Variants in VAT1L observed in about 807,000 individuals in gnomAD.
VAT1L encodes putative NADPH-dependent quinone oxidoreductase VAT1L.
VAT1L carries 34 observed loss-of-function variants against 44.1 expected under a neutral mutation model. That is an observed-to-expected ratio of 0.77 (90% CI 0.59 to 1.03). The LOEUF (loss-of-function observed/expected upper bound fraction) is 1.03. Among genes scored for constraint, VAT1L ranks in the 50% least tolerant of loss-of-function variants. VAT1L has a pLI of 0.00. For synonymous variants in VAT1L, 253 were observed against 202.2 expected (o/e 1.25, Z -2.13); for missense variants, 615 against 538.8 (o/e 1.14, Z -1.40).
chr16:77,922,504 A>G (rs574869776), intron 7 of VAT1L, among the ~76,000 whole-genome samples: 2 of 152,152 alleles, frequency 1.3e-5, no homozygotes, highest in South Asian at 2.1e-4. Flanking sequence ...AATTCTTAAC[A>G]ATGAAAAGAC....
At chr16:77,922,759 C>T (rs755598071) in intron 7 of VAT1L, among the ~76,000 whole-genome samples, 64 of 152,260 alleles carry the variant, frequency 4.2e-4, no homozygotes, top group African/African-American at 1.4e-3. Context: ...TGGATAAAAA[C>T]GGTGAGGAAC....
At chr16:77,916,466 T>C (rs1157629211) in intron 7 of VAT1L, among the ~76,000 whole-genome samples, 1 of 152,092 alleles carries the variant, frequency 6.6e-6, no homozygotes, top group East Asian at 1.9e-4. Flanking sequence ...GGGTTTTTTG[T>C]TTTTGTTTTT....
intron 1 of VAT1L, among the ~76,000 whole-genome samples, chr16:77,808,887 G>T (rs1330691563): frequency 6.6e-6 from 1 of 152,108 alleles, no homozygotes; most frequent in African/African-American, 2.4e-5. Context: ...GTGAGCCACC[G>T]TGCCCAGCTG....
intron 4 of VAT1L, among the ~76,000 whole-genome samples, chr16:77,872,251 C>T (rs986092250): frequency 4.6e-5 from 7 of 152,156 alleles, no homozygotes. Context: ...TGCGTACCCA[C>T]CTCCATGTGA....
Position 77,979,660 on chromosome 16 carries a change from T to A in VAT1L, c.*1965T>A, listed in dbSNP as rs2018378961. ...CTTTGTTATGTCCAGAGGAGAGGCA[T>A]AAAAAGGCACTCTCCCCCACCACCC... On this transcript the variant is annotated 3_prime_UTR_variant, in exon 9 of 9. Transcript: ENST00000302536. 1.3e-5 allele frequency: 2 copies of A among 152,108 alleles called. No individual in the cohort carries two copies. Among genetic ancestry groups the A allele is most frequent in the South Asian group, 2.1e-4 (1 of 4,824 alleles). The allele number at this position is 152,108 out of a possible 1,614,324, so 9.4% of individuals were successfully genotyped here. A position where few individuals can be genotyped will look rare whatever the true frequency, so the allele number is the denominator to read the frequency against.
intron 7 of VAT1L, among the ~76,000 whole-genome samples, chr16:77,955,037 T>A (rs33967759): frequency 6.6e-6 from 1 of 152,060 alleles, no homozygotes; most frequent in Non-Finnish European, 1.5e-5. Flanking sequence ...CATATTGTGT[T>A]CTGTTCATGA....
chr16:77,910,421 C>A (rs1365656338), intron 7 of VAT1L, among the ~76,000 whole-genome samples: 1 of 152,056 alleles, frequency 6.6e-6, no homozygotes, highest in African/African-American at 2.4e-5. Context: ...GCCTGTAATC[C>A]CAGCACTTTG....
intron 3 of VAT1L, among the ~76,000 whole-genome samples, chr16:77,837,842 G>A (rs1410651850): frequency 6.6e-6 from 1 of 152,128 alleles, no homozygotes; most frequent in Admixed American, 6.5e-5. Flanking sequence ...ATGCTCCCTG[G>A]CACATAGAAA....
Position 77,939,819 on chromosome 16 carries a change from G to T in VAT1L, c.1078-32031G>T, listed in dbSNP as rs1031863369. 2.0e-5 allele frequency among the ~76,000 whole-genome samples: 3 copies of T among 152,062 alleles called. No homozygotes were observed. In the East Asian group the frequency reaches 5.8e-4, roughly 29 times the overall value. ...CCCTCAGAAACTGATGAGTTTCCAG[G>T]GCATTATAAATTTAAAACATTTAGC... On this transcript the variant is annotated intron_variant, in intron 7 of 8. Coordinates refer to ENST00000302536, the MANE Select transcript of VAT1L (RefSeq NM_020927.3).
At chr16:77,858,238 T>C (rs1197523750) in intron 3 of VAT1L, among the ~76,000 whole-genome samples, 1 of 152,052 alleles carries the variant, frequency 6.6e-6, no homozygotes, top group Non-Finnish European at 1.5e-5. Flanking sequence ...CTATCTGGGA[T>C]GCTGGAAAGG....
rs779092337 is a variant in VAT1L, at chr16:77,879,246, A to T, written c.882+22A>T. 1.2e-6 allele frequency: 2 copies of T among 1,612,092 alleles called. No individual in the cohort carries two copies. Among genetic ancestry groups the T allele is most frequent in the South Asian group, 2.2e-5 (2 of 90,998 alleles). ...ATCAGTAAGTATCCAGGCACATCTG[A>T]TGTACTGTGGTGGCATGTTGATTCA... On this transcript the variant is annotated intron_variant, in intron 6 of 8. Transcript: ENST00000302536. The surrounding 1 kb of genome is among the most constrained non-coding windows in gnomAD (Gnocchi z 4.1).
intron 5 of VAT1L, among the ~76,000 whole-genome samples, chr16:77,878,232 C>T (rs144607061): frequency 1.3e-3 from 191 of 152,246 alleles, no homozygotes; most frequent in South Asian, 2.5e-3. Flanking sequence ...TTGCAGTCTT[C>T]GGCATTAAAA....
At chr16:77,932,391 C>T (rs1163944504) in intron 7 of VAT1L, among the ~76,000 whole-genome samples, 1 of 152,098 alleles carries the variant, frequency 6.6e-6, no homozygotes, top group Admixed American at 6.6e-5. Context: ...AGGCTTGAGC[C>T]ACCACTCCCA....
intron 7 of VAT1L, among the ~76,000 whole-genome samples, chr16:77,966,911 G>A (rs972327222): frequency 7.0e-6 from 1 of 141,892 alleles, no homozygotes; most frequent in Non-Finnish European, 1.5e-5. Context: ...GTGGGGAAGG[G>A]TTTTAAGCAG....
chr16:77,868,252 A>T (rs975545549), intron 4 of VAT1L, among the ~76,000 whole-genome samples: 1 of 152,218 alleles, frequency 6.6e-6, no homozygotes, highest in Non-Finnish European at 1.5e-5. Flanking sequence ...GAGAAACTGA[A>T]CAGTTGTATG....
At chr16:77,892,641 G>T (rs2017280200) in intron 7 of VAT1L, 2 of 702,328 alleles carry the variant, frequency 2.8e-6, no homozygotes, top group Admixed American at 3.5e-5. Context: ...AATGGCACTG[G>T]TGGCAACTCC....
chr16:77,856,585 C>T (rs966668379), intron 3 of VAT1L, among the ~76,000 whole-genome samples: 4 of 152,180 alleles, frequency 2.6e-5, no homozygotes, highest in Admixed American at 2.6e-4. Context: ...GCCAGTCTGT[C>T]GATCAGGGTC....
At chr16:77,829,807 C>T (rs1318575730) in intron 3 of VAT1L, among the ~76,000 whole-genome samples, 2 of 152,088 alleles carry the variant, frequency 1.3e-5, no homozygotes, top group African/African-American at 4.8e-5. Flanking sequence ...CATTACTGTT[C>T]CTGTGAGGTT....
intron 6 of VAT1L, among the ~76,000 whole-genome samples, chr16:77,883,074 C>T (rs12443587): frequency 0.49 from 74,234 of 152,030 alleles, 21,089 homozygotes; most frequent in Middle Eastern, 0.63. Flanking sequence ...CCTAGTGACA[C>T]GAGCTTCCCA....
Sources: gnomAD v4.1 joint callset for allele counts (sites outside exome capture counted in the v4.1 genomes callset) on GRCh38, gnomAD v4.1.1 for gene constraint, Gnocchi (gnomAD v3.1) non-coding constraint, MANE v1.5 for transcripts, NCBI Gene and HGNC (gene_info 2026-07-23, HGNC 2026-07-21) for gene names.